FARS2: variants seen among roughly 807,000 people sequenced by gnomAD.
FARS2 encodes the protein phenylalanyl-tRNA synthetase 2, mitochondrial, also known as phenylalanine--tRNA ligase, mitochondrial.
Under a neutral mutation model 46.4 loss-of-function variants are expected in FARS2, and 40 were observed. The ratio of observed to expected loss-of-function variants is 0.86; its 90% CI spans 0.67 to 1.12. The LOEUF (loss-of-function observed/expected upper bound fraction) is 1.12, where lower values mean the gene tolerates loss of function less well. Ranked by LOEUF, FARS2 falls within the 50% of genes most tolerant of loss-of-function variation. FARS2 has a pLI of 0.00. For synonymous variants in FARS2, 234 were observed against 214.9 expected (o/e 1.09, Z -0.78); for missense variants, 513 against 567.9 (o/e 0.90, Z 0.98).
chr6:5,465,781 T>C (rs1327009864), intron 4 of FARS2, among the ~76,000 whole-genome samples: 1 of 152,214 alleles, frequency 6.6e-6, no homozygotes, highest in African/African-American at 2.4e-5. Context: ...GGAAGTTTTT[T>C]TTTTAATGTA....
intron 1 of FARS2, among the ~76,000 whole-genome samples, chr6:5,300,137 G>A (rs1378554750): frequency 6.6e-6 from 1 of 152,092 alleles, no homozygotes. Context: ...AGGATCCCTG[G>A]TAGATTTCCT....
At position 5,271,919 on chromosome 6, in the gene FARS2, C is replaced by T. The variant is rs183042795; in HGVS notation, c.-22+10259C>T. 6.0e-4 allele frequency among the ~76,000 whole-genome samples: 92 copies of T among 152,282 alleles called. 1 individual carries two copies. Among genetic ancestry groups the T allele is most frequent in the Admixed American group, 5.8e-3 (89 of 15,298 alleles). On this transcript the variant is annotated intron_variant, in intron 1 of 6. Transcript: ENST00000274680. ...TATTAATAGTGTAATGACTCAATCA[C>T]GTAAGCTCCAAATACAGTAAGGACC...
chr6:5,720,068 G>A (rs188675103), intron 6 of FARS2, among the ~76,000 whole-genome samples: 2 of 152,002 alleles, frequency 1.3e-5, no homozygotes, highest in East Asian at 3.9e-4. Flanking sequence ...TTTAGTATGC[G>A]GTGTAGCTAG....
At chr6:5,720,079 A>G (rs1034378498) in intron 6 of FARS2, among the ~76,000 whole-genome samples, 6 of 152,116 alleles carry the variant, frequency 3.9e-5, no homozygotes, top group Non-Finnish European at 5.9e-5. Context: ...GTGTAGCTAG[A>G]TCACCCTGCA....
chr6:5,678,001 A>G, intron 6 of FARS2, among the ~76,000 whole-genome samples: 1 of 152,182 alleles, frequency 6.6e-6, no homozygotes, highest in East Asian at 1.9e-4. Context: ...TGGAAAACTG[A>G]GAGAGAAAAC....
chr6:5,557,071 G>A (rs543436962), intron 5 of FARS2, among the ~76,000 whole-genome samples: 1 of 152,204 alleles, frequency 6.6e-6, no homozygotes, highest in Admixed American at 6.5e-5. Flanking sequence ...ATCAGAATAG[G>A]GACCAGAAGG....
chr6:5,413,682 C>A (rs1222902166), intron 3 of FARS2, among the ~76,000 whole-genome samples: 1 of 152,204 alleles, frequency 6.6e-6, no homozygotes, highest in East Asian at 1.9e-4. Flanking sequence ...GCACTGGACA[C>A]TTGATGAAAA....
intron 6 of FARS2, among the ~76,000 whole-genome samples, chr6:5,614,902 G>T (rs1367399131): frequency 6.6e-6 from 1 of 152,200 alleles, no homozygotes; most frequent in Non-Finnish European, 1.5e-5. Flanking sequence ...TAACAGTTTG[G>T]TTGGAAGTAA....
chr6:5,513,529 CTT>C (rs1198044297), intron 4 of FARS2, among the ~76,000 whole-genome samples: 5 of 152,168 alleles, frequency 3.3e-5, no homozygotes, highest in Admixed American at 6.5e-5. Flanking sequence ...AGTTTGCACT[CTT>C]TGTGTTCGAG....
At chr6:5,375,343 A>G (rs1179721043) in intron 2 of FARS2, among the ~76,000 whole-genome samples, 4 of 152,092 alleles carry the variant, frequency 2.6e-5, no homozygotes, top group Admixed American at 6.5e-5. Flanking sequence ...GTACCTAGGT[A>G]TAAATCTTGC....
chr6:5,496,410 C>A (rs147684978), intron 4 of FARS2, among the ~76,000 whole-genome samples: 13 of 152,262 alleles, frequency 8.5e-5, no homozygotes, highest in Non-Finnish European at 1.8e-4. Flanking sequence ...TTTGCTCTAC[C>A]TAAAAGCTTG....
intron 6 of FARS2, among the ~76,000 whole-genome samples, chr6:5,717,908 C>CCATATATA (rs1554128848): frequency 6.4e-5 from 5 of 77,722 alleles, no homozygotes; most frequent in African/African-American, 2.1e-4. Context: ...AAGGTATCAG[C>CCATATATA]TATATATATA....
chr6:5,348,728 G>T (rs542563604), intron 1 of FARS2, among the ~76,000 whole-genome samples: 44 of 143,454 alleles, frequency 3.1e-4, no homozygotes, highest in African/African-American at 1.0e-3. Flanking sequence ...GGCTAAAGAA[G>T]AAAAATCATA....
At chr6:5,739,010 T>C (rs1031889699) in intron 6 of FARS2, among the ~76,000 whole-genome samples, 3 of 152,336 alleles carry the variant, frequency 2.0e-5, no homozygotes, top group Non-Finnish European at 4.4e-5. Flanking sequence ...CTAGTCCTTA[T>C]CACACCTGCT....
In FARS2 at chr6:5,380,750, C is replaced by T. The variant is rs140272732; in HGVS notation, c.612+11568C>T. Among the ~76,000 whole-genome samples the T allele has an allele frequency of 2.8e-3, 431 of 152,268 alleles. 2 individuals are homozygous for T. The highest frequency in any genetic ancestry group is 0.014 in the Middle Eastern group (4 of 294). ...TTTCATTGTCTTCGCTCCGAGGCTT[C>T]GTCCTAAAATCTGCTTTCTGTGTCA... On this transcript the variant is annotated intron_variant, in intron 2 of 6. Coordinates refer to ENST00000274680, the MANE Select transcript of FARS2 (RefSeq NM_006567.5).
chr6:5,601,027 CT>C (rs1774480232), intron 5 of FARS2, among the ~76,000 whole-genome samples: 1 of 152,164 alleles, frequency 6.6e-6, no homozygotes, highest in South Asian at 2.1e-4. Context: ...GCAGCTCTCT[CT>C]TTCTCTCCCC....
intron 6 of FARS2, among the ~76,000 whole-genome samples, chr6:5,712,194 C>T (rs1453171164): frequency 6.6e-6 from 1 of 152,206 alleles, no homozygotes; most frequent in Non-Finnish European, 1.5e-5. Flanking sequence ...TTACCTCCTT[C>T]TCCTTTCCAT....
intron 1 of FARS2, among the ~76,000 whole-genome samples, chr6:5,309,753 T>C (rs1768961364): frequency 9.1e-6 from 1 of 109,422 alleles, no homozygotes; most frequent in Non-Finnish European, 1.8e-5. Context: ...TTGAAAGATA[T>C]CAATTCTTAT....
chr6:5,480,917 G>A (rs1435789798), intron 4 of FARS2, among the ~76,000 whole-genome samples: 6 of 152,196 alleles, frequency 3.9e-5, no homozygotes, highest in African/African-American at 1.4e-4. Flanking sequence ...ACAACATCGA[G>A]TGTGTATGAG....
Sources: gnomAD v4.1 joint callset for allele counts (sites outside exome capture counted in the v4.1 genomes callset) on GRCh38, gnomAD v4.1.1 for gene constraint, MANE v1.5 for transcripts, NCBI Gene and HGNC (gene_info 2026-07-23, HGNC 2026-07-21) for gene names.